RPIA: variants seen among roughly 807,000 people sequenced by gnomAD.
The protein encoded by RPIA is ribose 5-phosphate isomerase A.
RPIA carries 29 observed loss-of-function variants against 37.8 expected under a neutral mutation model. The observed-to-expected ratio is 0.77, with a 90% confidence interval of 0.57 to 1.05. The LOEUF (loss-of-function observed/expected upper bound fraction) is 1.05, where lower values mean the gene tolerates loss of function less well. Among genes scored for constraint, RPIA ranks in the 50% least tolerant of loss-of-function variants. RPIA has a pLI of 0.00. For missense variants in RPIA, 385 were observed against 413.6 expected (o/e 0.93, Z 0.60); for synonymous variants, 167 against 157.0 (o/e 1.06, Z -0.48).
chr2:88,744,517 C>T (rs1673419432), intron 8 of RPIA, among the ~76,000 whole-genome samples: 1 of 152,128 alleles, frequency 6.6e-6, no homozygotes, highest in Admixed American at 6.5e-5. Flanking sequence ...TCCATTTGCT[C>T]CAGAGTATAG....
At chr2:88,736,409 G>A (rs2104135151) in intron 6 of RPIA, 126 bp from the exon 7 acceptor site, 2 of 870,950 alleles carry the variant, frequency 2.3e-6, no homozygotes, top group Non-Finnish European at 3.8e-6. Context: ...GTAGCCCCAT[G>A]TATATTGCCC....
chr2:88,734,858 T>C (rs1301699612), intron 5 of RPIA, among the ~76,000 whole-genome samples: 1 of 152,208 alleles, frequency 6.6e-6, no homozygotes, highest in Non-Finnish European at 1.5e-5. Context: ...CTCTGTGGAT[T>C]TGTGTTCTTT....
At chr2:88,698,162 C>T (rs1381514993) in intron 1 of RPIA, among the ~76,000 whole-genome samples, 1 of 147,494 alleles carries the variant, frequency 6.8e-6, no homozygotes, top group African/African-American at 2.5e-5. Context: ...CAGGCCATTT[C>T]TGTGAGGGTG....
intron 6 of RPIA, 56 bp downstream of exon 6, chr2:88,735,793 C>A: frequency 6.5e-7 from 1 of 1,528,888 alleles, no homozygotes; most frequent in Non-Finnish European, 9.1e-7. Flanking sequence ...ATCCCCAAGC[C>A]GCATCCCCAT....
chr2:88,737,902 A>G (rs373456307), intron 7 of RPIA, 75 bp from the exon 8 acceptor site: 1 of 1,079,472 alleles, frequency 9.3e-7, no homozygotes, highest in African/African-American at 1.5e-5. Flanking sequence ...GTCTTTGGTT[A>G]TCCCCTCTAC....
At chr2:88,720,463 T>C (rs779261430) in intron 3 of RPIA, among the ~76,000 whole-genome samples, 2 of 152,010 alleles carry the variant, frequency 1.3e-5, no homozygotes, top group African/African-American at 4.8e-5. Flanking sequence ...AAAAAACTTA[T>C]ATGAGCTGAA....
At position 88,721,568 on chromosome 2, in the gene RPIA, CA is replaced by C. The variant is rs1558694776; in HGVS notation, c.403-7709del. Among the ~76,000 whole-genome samples, 638 of 88,444 alleles carry C rather than the reference CA, an allele frequency of 7.2e-3. 19 individuals are homozygous for C. The highest frequency in any genetic ancestry group is 0.021 in the South Asian group (50 of 2,376). The allele number at this position is 88,444 out of a possible 152,430, so 58.0% of individuals were successfully genotyped here. ...ATACACACACACACACACACACACA[CA>C]CACCCCCCCCCCCACATGCACACAT... is the stretch of plus-strand genomic sequence containing the variant. On this transcript the variant is annotated intron_variant, in intron 3 of 8. Transcript: ENST00000283646.
chr2:88,714,274 G>A (rs1041131561), intron 3 of RPIA, among the ~76,000 whole-genome samples: 9 of 151,996 alleles, frequency 5.9e-5, no homozygotes, highest in African/African-American at 2.2e-4. Flanking sequence ...GGGTTCAAGT[G>A]ATTCTCTTGT....
At chr2:88,721,215 G>C (rs1325335661) in intron 3 of RPIA, among the ~76,000 whole-genome samples, 3 of 151,942 alleles carry the variant, frequency 2.0e-5, no homozygotes, top group Non-Finnish European at 4.4e-5. Flanking sequence ...GGGCCTGTCA[G>C]GGGGTGAGGG....
chr2:88,711,908 G>C (rs1245817822), intron 3 of RPIA, among the ~76,000 whole-genome samples: 3 of 152,300 alleles, frequency 2.0e-5, no homozygotes, highest in Admixed American at 2.0e-4. Context: ...GGGAGGCTGA[G>C]GTGTGAGGAT....
intron 3 of RPIA, among the ~76,000 whole-genome samples, chr2:88,720,301 A>G (rs757498489): frequency 5.3e-5 from 8 of 152,222 alleles, no homozygotes; most frequent in Non-Finnish European, 1.0e-4. Flanking sequence ...AATTATTTCC[A>G]TAAAACGTAA....
intron 3 of RPIA, among the ~76,000 whole-genome samples, chr2:88,718,592 G>C (rs1480406060): frequency 1.3e-5 from 2 of 152,156 alleles, no homozygotes. Context: ...CATAGACAAA[G>C]GTGTAAGGTC....
chr2:88,732,728 TAAAAAAAAAAAAAAAA>T (rs75685116), intron 4 of RPIA, among the ~76,000 whole-genome samples: 7 of 2,002 alleles, frequency 3.5e-3, no homozygotes, highest in African/African-American at 0.026. Context: ...TAGAGTATAA[TAAAAAAAAAAAAAAAA>T]AAAAAAAAAA....
At chr2:88,717,986 T>C (rs1298780317) in intron 3 of RPIA, among the ~76,000 whole-genome samples, 1 of 152,184 alleles carries the variant, frequency 6.6e-6, no homozygotes, top group Non-Finnish European at 1.5e-5. Context: ...TAGGTTGCTG[T>C]TGTTTGCTTC....
At chr2:88,727,496 A>T (rs1459671047) in intron 3 of RPIA, among the ~76,000 whole-genome samples, 1 of 152,188 alleles carries the variant, frequency 6.6e-6, no homozygotes, top group African/African-American at 2.4e-5. Context: ...TTTGTCACCC[A>T]GGTGTTAAGC....
At chr2:88,718,807 T>C (rs372308065) in intron 3 of RPIA, among the ~76,000 whole-genome samples, 9 of 152,320 alleles carry the variant, frequency 5.9e-5, no homozygotes, top group Middle Eastern at 3.4e-3. Flanking sequence ...AGAAATCAGG[T>C]AGAGAAAAAC....
intron 3 of RPIA, among the ~76,000 whole-genome samples, chr2:88,704,639 T>C (rs1672876027): frequency 6.6e-6 from 1 of 152,160 alleles, no homozygotes. Flanking sequence ...TTCTGTACCA[T>C]ATATTATATT....
At chr2:88,708,876 C>A (rs1235454285) in intron 3 of RPIA, among the ~76,000 whole-genome samples, 1 of 152,000 alleles carries the variant, frequency 6.6e-6, no homozygotes, top group Non-Finnish European at 1.5e-5. Context: ...CCTGCGTCAG[C>A]CTCCTGAGTA....
At chr2:88,721,420 C>T (rs960850474) in intron 3 of RPIA, among the ~76,000 whole-genome samples, 5 of 147,716 alleles carry the variant, frequency 3.4e-5, no homozygotes, top group African/African-American at 1.2e-4. Context: ...AAATATATTA[C>T]TAATATAATC....
Sources: gnomAD v4.1 joint callset for allele counts (sites outside exome capture counted in the v4.1 genomes callset) on GRCh38, gnomAD v4.1.1 for gene constraint, MANE v1.5 for transcripts, NCBI Gene and HGNC (gene_info 2026-07-23, HGNC 2026-07-21) for gene names.